The following CCT7 variants were observed in gnomAD, a reference collection of about 807,000 sequenced individuals.
The protein encoded by CCT7 is T-complex protein 1 subunit eta.
Under a neutral mutation model 56.6 loss-of-function variants are expected in CCT7, and 16 were observed. The observed-to-expected ratio is 0.28, with a 90% CI of 0.19 to 0.43. The LOEUF (loss-of-function observed/expected upper bound fraction) is 0.43. CCT7 is among the 20% of genes least tolerant of loss of function. The probability of loss-of-function intolerance (pLI) is 1.00; values close to 1 mark genes in which losing one functional copy is unlikely to be tolerated. For missense variants in CCT7, 519 were observed against 685.6 expected (o/e 0.76, Z 2.71); for synonymous variants, 262 against 254.8 (o/e 1.03, Z -0.27).
chr2:73,238,335 C>A (rs899016770), intron 1 of CCT7, among the ~76,000 whole-genome samples: 1 of 152,230 alleles, frequency 6.6e-6, no homozygotes, highest in African/African-American at 2.4e-5. Flanking sequence ...CCTGCCTCTT[C>A]AGCTTTATTC....
At chr2:73,244,796 C>T in intron 6 of CCT7, 81 bp downstream of exon 6, 1 of 1,089,744 alleles carries the variant, frequency 9.2e-7, no homozygotes, top group Non-Finnish European at 1.3e-6. Context: ...GAGGGGTACT[C>T]ATTACAGGAA....
intron 6 of CCT7, among the ~76,000 whole-genome samples, chr2:73,245,860 A>G (rs944600990): frequency 6.6e-6 from 1 of 152,130 alleles, no homozygotes; most frequent in African/African-American, 2.4e-5. Context: ...CATCTGAGCC[A>G]TTTCCCTATC....
At chr2:73,243,177 T>G in intron 4 of CCT7, 48 bp downstream of exon 4, 1 of 1,593,320 alleles carries the variant, frequency 6.3e-7, no homozygotes, top group Non-Finnish European at 8.6e-7. Flanking sequence ...CACCTTCACA[T>G]TTCTCTTAGG....
At chr2:73,240,613 T>G (rs1414191831) in intron 3 of CCT7, 70 bp downstream of exon 3, 1 of 788,842 alleles carries the variant, frequency 1.3e-6, no homozygotes, top group East Asian at 3.0e-5. Context: ...TTCTCCTCTA[T>G]TAAATTTTTT....
intron 8 of CCT7, among the ~76,000 whole-genome samples, 158 bp downstream of exon 8, chr2:73,249,337 G>A (rs1687476391): frequency 6.6e-6 from 1 of 150,794 alleles, no homozygotes; most frequent in Non-Finnish European, 1.5e-5. Flanking sequence ...CCATTTCCAT[G>A]TGTGTGTGCC....
chr2:73,249,300 TTAACTCTTTTTTTTC>T, intron 8 of CCT7, 121 bp downstream of exon 8: 2 of 739,150 alleles, frequency 2.7e-6, no homozygotes, highest in Non-Finnish European at 4.2e-6. Flanking sequence ...TTTTTTTTTT[TTAACTCTTTTTTTTC>T]CAGGACACAT....
intron 1 of CCT7, chr2:73,239,409 G>A (rs1260698606): frequency 2.0e-6 from 1 of 490,966 alleles, no homozygotes. Flanking sequence ...TTAGGTCAGT[G>A]CTTCTCAAAC....
intron 1 of CCT7, chr2:73,235,509 T>G: frequency 1.0e-6 from 1 of 998,028 alleles, no homozygotes; most frequent in Non-Finnish European, 1.2e-6. Context: ...TAGAAGGAAA[T>G]TAGCATTTAA....
At position 73,247,778 on chromosome 2, in the gene CCT7, C is replaced by T. The variant is rs747646519; in HGVS notation, c.635C>T (p.Ala212Val). The T allele has an allele frequency of 6.2e-7, 1 of 1,613,896 alleles. No homozygotes were observed. The change falls in exon 7 of 12, where the codon GCT (alanine) becomes GTT (valine). Residue 212 changes from alanine to valine, a missense_variant. Ala to Val is a moderately conservative substitution (Grantham distance 64). Around this residue, in one of 3 missense-constraint regions of CCT7, gnomAD observed 276 missense variants for 357.3 expected, o/e 0.77. Transcript: ENST00000258091. The part of the protein sequence containing the change: ...GGALEDSQLV[A>V]GVAFKKTFSY... ...TTAAAACAGGATTCTCAGCTGGTAGCTGGTGTTGCATTCAAGAAGACTTTC... is the reference window on the plus strand; with the variant it reads ...TTAAAACAGGATTCTCAGCTGGTAGTTGGTGTTGCATTCAAGAAGACTTTC...
intron 4 of CCT7, among the ~76,000 whole-genome samples, chr2:73,243,495 T>C (rs1687203031): frequency 6.6e-6 from 1 of 152,206 alleles, no homozygotes; most frequent in South Asian, 2.1e-4. Flanking sequence ...GGGCAAGTCA[T>C]TTAATCTTTC....
Position 73,235,874 on chromosome 2 carries a change from C to T in CCT7, c.6+1490C>T, listed in dbSNP as rs186764296. 3.3e-5 allele frequency among the ~76,000 whole-genome samples: 5 copies of T among 152,312 alleles called. 1 individual carries two copies. Among genetic ancestry groups the T allele is most frequent in the Middle Eastern group, 6.8e-3 (2 of 294 alleles). On this transcript the variant is annotated intron_variant, in intron 1 of 11. Transcript: ENST00000258091. ...CATTCACACAGCTAGGGATCAGAACCGCCATTCTCTGCCGTGATAAAACTT... is the reference window on the plus strand; with the variant it reads ...CATTCACACAGCTAGGGATCAGAACTGCCATTCTCTGCCGTGATAAAACTT...
rs573034601 is a variant in CCT7, at chr2:73,240,945, A to C, written c.267+402A>C. Among the ~76,000 whole-genome samples, 25 of 144,840 alleles carry C rather than the reference A, an allele frequency of 1.7e-4. 1 individual carries two copies. The highest frequency in any genetic ancestry group is 6.2e-4 in the African/African-American group (24 of 39,002). On this transcript the variant is annotated intron_variant, in intron 3 of 11. Coordinates refer to ENST00000258091, the MANE Select transcript of CCT7 (RefSeq NM_006429.4). ...GAGATAGGGTCTTACTATGTTTCCC[A>C]GGTTGGCCTTGAACTCCGGGGCTCA...
chr2:73,247,986 C>G, intron 7 of CCT7, 60 bp downstream of exon 7: 1 of 1,503,422 alleles, frequency 6.7e-7, no homozygotes, highest in Non-Finnish European at 9.2e-7. Flanking sequence ...AGCCAGAGCC[C>G]TGGGTCTTCA....
chr2:73,244,792 T>A, intron 6 of CCT7, 77 bp downstream of exon 6: 1 of 1,146,158 alleles, frequency 8.7e-7, no homozygotes, highest in Non-Finnish European at 1.2e-6. Flanking sequence ...GGCAGAGGGG[T>A]ACTCATTACA....
chr2:73,239,994 A>G (rs573191271), intron 2 of CCT7, 198 bp downstream of exon 2: 79 of 527,596 alleles, frequency 1.5e-4, no homozygotes, highest in African/African-American at 1.3e-3. Flanking sequence ...ACCTAGGCTC[A>G]GGAGCCTGTT....
chr2:73,240,019 C>T (rs540263224), intron 2 of CCT7: 4 of 472,180 alleles, frequency 8.5e-6, no homozygotes, highest in East Asian at 3.4e-5. Flanking sequence ...CATAGGGAGA[C>T]GTGGCCTAGA....
intron 4 of CCT7, among the ~76,000 whole-genome samples, chr2:73,243,529 T>C (rs1305319569): frequency 6.6e-6 from 1 of 152,184 alleles, no homozygotes; most frequent in Admixed American, 6.5e-5. Context: ...CTTTGCTATC[T>C]CTAATTTGAG....
intron 1 of CCT7, among the ~76,000 whole-genome samples, chr2:73,234,990 G>T (rs771383883): frequency 1.7e-4 from 26 of 152,228 alleles, no homozygotes; most frequent in Non-Finnish European, 1.5e-4. Flanking sequence ...ACCAGGCCCT[G>T]GTGGTTGCTG....
chr2:73,247,577 T>TA (rs781007917), intron 6 of CCT7, among the ~76,000 whole-genome samples, 185 bp from the exon 7 acceptor site: 92 of 143,644 alleles, frequency 6.4e-4, no homozygotes, highest in African/African-American at 8.0e-4. Context: ...GTTGTGTTAT[T>TA]TAAAAAAAAA....
Sources: gnomAD v4.1 joint callset for allele counts (sites outside exome capture counted in the v4.1 genomes callset) on GRCh38, gnomAD v4.1.1 for gene constraint, gnomAD v4.1.1 regional missense constraint, MANE v1.5 for transcripts, NCBI Gene and HGNC (gene_info 2026-07-23, HGNC 2026-07-21) for gene names.